MAP3K13: variants seen among roughly 807,000 people sequenced by gnomAD.
MAP3K13 encodes mitogen-activated protein kinase kinase kinase 13, also known as leucine zipper-bearing kinase.
MAP3K13 carries 52 observed loss-of-function variants against 104.0 expected under a neutral mutation model. The ratio of observed to expected loss-of-function variants is 0.50; its 90% CI spans 0.40 to 0.63. The LOEUF is 0.63. Ranked by LOEUF, MAP3K13 falls within the 20% of genes least tolerant of loss-of-function variation. The pLI is 0.00. For synonymous variants in MAP3K13, 394 were observed against 442.2 expected, an observed-to-expected ratio of 0.89 and a Z score of 1.37; for missense variants, 914 against 1,218.5, an observed-to-expected ratio of 0.75 and a Z score of 3.72.
intron 1 of MAP3K13, among the ~76,000 whole-genome samples, chr3:185,399,797 G>A (rs1712681759): frequency 2.0e-5 from 3 of 151,788 alleles, no homozygotes; most frequent in Admixed American, 2.0e-4. Context: ...CCTGCCTGAT[G>A]GCGTATAGGA....
At chr3:185,327,982 A>G (rs10937211) in intron 2 of MAP3K13, among the ~76,000 whole-genome samples, 119,293 of 147,956 alleles carry the variant, frequency 0.81, 48,192 homozygotes, top group Middle Eastern at 0.85. Flanking sequence ...AAGGAAGGAA[A>G]GAAGGGGGAA....
intron 1 of MAP3K13, among the ~76,000 whole-genome samples, chr3:185,284,094 T>C (rs76753177): frequency 0.024 from 3,657 of 151,862 alleles, 160 homozygotes; most frequent in East Asian, 0.2. Context: ...AGCCTCGGCC[T>C]CCCAAAGTGC....
chr3:185,480,564 C>A, intron 13 of MAP3K13, 35 bp downstream of exon 13: 1 of 1,592,366 alleles, frequency 6.3e-7, no homozygotes, highest in South Asian at 1.1e-5. Flanking sequence ...CATCACTGTT[C>A]CCTTTTTTGC....
intron 2 of MAP3K13, among the ~76,000 whole-genome samples, chr3:185,320,649 T>C (rs953405132): frequency 1.3e-5 from 2 of 152,212 alleles, no homozygotes; most frequent in Non-Finnish European, 2.9e-5. Context: ...GGCTTGCTCA[T>C]AGACAAATGT....
At chr3:185,290,233 TA>T (rs1224475108) in intron 2 of MAP3K13, among the ~76,000 whole-genome samples, 11 of 152,134 alleles carry the variant, frequency 7.2e-5, no homozygotes, top group African/African-American at 2.4e-4. Context: ...GAAAAAACTT[TA>T]AAAAAATTAT....
At chr3:185,472,181 T>C (rs552648677) in intron 10 of MAP3K13, among the ~76,000 whole-genome samples, 1 of 152,010 alleles carries the variant, frequency 6.6e-6, no homozygotes, top group Admixed American at 6.6e-5. Context: ...GGGCTTCGTC[T>C]TCAACATCAT....
In MAP3K13 at chr3:185,293,419, T is replaced by A. The variant is rs557528990; in HGVS notation, c.-86+7776T>A. ...AGCCACCATGCCTGGCCTCTTTTTCTTTTTGAGACAGGGTCTCACTTTATC... is the reference window on the plus strand; with the variant it reads ...AGCCACCATGCCTGGCCTCTTTTTCATTTTGAGACAGGGTCTCACTTTATC... On this transcript the variant is annotated intron_variant, in intron 2 of 14. Coordinates refer to the MAP3K13 transcript ENST00000424227. 3.5e-4 allele frequency among the ~76,000 whole-genome samples: 53 copies of A among 152,150 alleles called. 1 individual carries two copies. The South Asian group carries it at 8.3e-3, about 24-fold the overall frequency.
intron 2 of MAP3K13, among the ~76,000 whole-genome samples, chr3:185,320,959 A>G (rs1375548283): frequency 6.6e-6 from 1 of 152,196 alleles, no homozygotes; most frequent in South Asian, 2.1e-4. Flanking sequence ...ATTAACACCT[A>G]TAGTATGTGA....
intron 2 of MAP3K13, among the ~76,000 whole-genome samples, chr3:185,291,209 C>A (rs1482901517): frequency 1.3e-5 from 2 of 152,164 alleles, no homozygotes; most frequent in Non-Finnish European, 2.9e-5. Context: ...TTTATGCTAT[C>A]TCTTCCAACA....
In MAP3K13 at chr3:185,473,878, A is replaced by T; in HGVS notation, c.2430+117A>T. The T allele has an allele frequency of 8.8e-7, 1 of 1,132,930 alleles. No individual in the cohort carries two copies. The highest frequency in any genetic ancestry group is 1.2e-6 in the Non-Finnish European group (1 of 806,914). 70.2% of individuals were successfully genotyped at this position (1,132,930 alleles called of 1,614,324 possible). On this transcript the variant is annotated intron_variant, in intron 11 of 13. Coordinates refer to ENST00000265026, the MANE Select transcript of MAP3K13 (RefSeq NM_004721.5). This position sits in a 1 kb window ranked among gnomAD's most constrained non-coding sequence, Gnocchi z 4.9. ...AGTATACATTTTGTAAAAGGACAAGATAACAGAAACATAAATAGAAATTTA... is the reference window on the plus strand; with the variant it reads ...AGTATACATTTTGTAAAAGGACAAGTTAACAGAAACATAAATAGAAATTTA...
At position 185,355,422 on chromosome 3, in the gene MAP3K13, G is replaced by A. The variant is rs889511532; in HGVS notation, c.-86+69779G>A. Among the ~76,000 whole-genome samples the A allele has an allele frequency of 8.0e-5, 12 of 149,682 alleles. 1 individual carries two copies. Among genetic ancestry groups the A allele is most frequent in the Admixed American group, 4.7e-4 (7 of 14,948 alleles). ...GCGGAGGTTGCAGTGAGCCAAGATCGTGCCACTGCACTCCAGCCTGGGTGT... is the reference window on the plus strand; with the variant it reads ...GCGGAGGTTGCAGTGAGCCAAGATCATGCCACTGCACTCCAGCCTGGGTGT... On this transcript the variant is annotated intron_variant, in intron 2 of 14. Transcript: ENST00000424227.
At chr3:185,358,355 C>T (rs188099922), upstream of MAP3K13, among the ~76,000 whole-genome samples, 3 of 152,190 alleles carry the variant, frequency 2.0e-5, no homozygotes, top group South Asian at 6.2e-4. Context: ...ACAAATTCTC[C>T]ATGTGAATTC....
chr3:185,397,460 C>A (rs1712491665), intron 1 of MAP3K13, among the ~76,000 whole-genome samples: 2 of 152,134 alleles, frequency 1.3e-5, no homozygotes, highest in African/African-American at 2.4e-5. Context: ...TTGTTGAATT[C>A]ATAAATATTG....
chr3:185,466,223 G>A (rs1043420142), intron 9 of MAP3K13, among the ~76,000 whole-genome samples: 2 of 152,188 alleles, frequency 1.3e-5, no homozygotes, highest in African/African-American at 4.8e-5. Context: ...AGAAAACCCT[G>A]GGAATCCTGA....
chr3:185,488,130 TTAA>T lies in MAP3K13; in HGVS notation c.*5677_*5679del, dbSNP rs1314000244. 2 of 152,130 alleles carry T rather than the reference TTAA, an allele frequency of 1.3e-5. No individual in the cohort carries two copies. Among genetic ancestry groups the T allele is most frequent in the African/African-American group, 2.4e-5 (1 of 41,386 alleles). 9.4% of individuals were successfully genotyped at this position (152,130 alleles called of 1,614,324 possible). ...TCCCTCACCTTTTATAAACAGAAAA[TTAA>T]TATAAGTCCCAGTTACTTGCTTCTT... On this transcript the variant is annotated 3_prime_UTR_variant, in exon 14 of 14. Transcript: ENST00000265026.
In MAP3K13 at chr3:185,363,367, T is replaced by C. The variant is rs1723725662; in HGVS notation, c.-87T>C. ...CAGCATGTGTAGGAATTCTTCGTTG[T>C]TGTGAGTATTGCACTCTGTTTTTCC... On this transcript the variant is annotated splice_region_variant and 5_prime_UTR_variant, in exon 1 of 14. Transcript: ENST00000265026. The C allele has an allele frequency of 2.0e-6, 2 of 982,708 alleles. No individual in the cohort carries two copies. Among genetic ancestry groups the C allele is most frequent in the Middle Eastern group, 5.2e-4 (1 of 1,936 alleles). 60.9% of individuals were successfully genotyped at this position (982,708 alleles called of 1,614,324 possible).
intron 2 of MAP3K13, among the ~76,000 whole-genome samples, chr3:185,342,434 T>C (rs1722755645): frequency 6.6e-6 from 1 of 152,094 alleles, no homozygotes; most frequent in Admixed American, 6.6e-5. Context: ...GAGACTTTTA[T>C]ATAAAGAAAC....
At chr3:185,397,320 T>C (rs1175064235) in intron 1 of MAP3K13, among the ~76,000 whole-genome samples, 1 of 152,204 alleles carries the variant, frequency 6.6e-6, no homozygotes, top group African/African-American at 2.4e-5. Flanking sequence ...TCCAATTCCT[T>C]CAGTTTGCAG....
chr3:185,387,092 A>G (rs9843435), intron 1 of MAP3K13, among the ~76,000 whole-genome samples: 2,592 of 152,326 alleles, frequency 0.017, 71 homozygotes, highest in African/African-American at 0.056. Flanking sequence ...GGAAAAATAA[A>G]TAAATGTGAT....
Sources: gnomAD v4.1 joint callset for allele counts (sites outside exome capture counted in the v4.1 genomes callset) on GRCh38, gnomAD v4.1.1 for gene constraint, Gnocchi (gnomAD v3.1) non-coding constraint, MANE v1.5 for transcripts, NCBI Gene and HGNC (gene_info 2026-07-23, HGNC 2026-07-21) for gene names.